Variants in RNFT2 observed in about 807,000 individuals in gnomAD.
The protein encoded by RNFT2 is ring finger protein, transmembrane 2, also known as E3 ubiquitin-protein ligase RNFT2.
A neutral mutation model predicts 53.0 loss-of-function variants in RNFT2; 36 were observed. The ratio of observed to expected loss-of-function variants is 0.68; its 90% CI spans 0.52 to 0.90. The LOEUF (loss-of-function observed/expected upper bound fraction) is 0.90. Ranked by LOEUF, RNFT2 falls within the 40% of genes least tolerant of loss-of-function variation. The pLI, the probability that RNFT2 is intolerant of heterozygous loss-of-function variation, is 0.00. For missense variants in RNFT2, 514 were observed against 585.6 expected, an observed-to-expected ratio of 0.88 and a Z score of 1.26; for synonymous variants, 260 against 253.2, an observed-to-expected ratio of 1.03 and a Z score of -0.26.
chr12:116,771,956 A>G (rs745902837), intron 6 of RNFT2, among the ~76,000 whole-genome samples: 112 of 152,200 alleles, frequency 7.4e-4, no homozygotes, highest in Non-Finnish European at 1.3e-3. Context: ...AACGGTCAAC[A>G]GTTTCCCTCC....
intron 5 of RNFT2, chr12:116,755,308 G>A (rs1234670032): frequency 4.5e-6 from 3 of 662,280 alleles, no homozygotes; most frequent in Non-Finnish European, 8.0e-6. Context: ...TTTATTTCTG[G>A]GTTCTCTATT....
chr12:116,812,624 T>A (rs963225785), intron 7 of RNFT2, among the ~76,000 whole-genome samples: 3 of 151,182 alleles, frequency 2.0e-5, no homozygotes, highest in Admixed American at 2.0e-4. Context: ...AACCTCCACC[T>A]CCTGGGTTTA....
chr12:116,838,525 G>A (rs141983067), intron 10 of RNFT2, among the ~76,000 whole-genome samples: 51 of 152,270 alleles, frequency 3.3e-4, no homozygotes, highest in African/African-American at 1.2e-3. Context: ...TGACACAGCC[G>A]CTTGCTTCTT....
chr12:116,800,230 C>T (rs1159793892), intron 7 of RNFT2, among the ~76,000 whole-genome samples: 2 of 149,120 alleles, frequency 1.3e-5, no homozygotes, highest in African/African-American at 4.9e-5. Flanking sequence ...GGCATGGTGG[C>T]TCATGCCTGT....
At chr12:116,802,244 A>T (rs893386117) in intron 7 of RNFT2, among the ~76,000 whole-genome samples, 5 of 152,194 alleles carry the variant, frequency 3.3e-5, no homozygotes, top group Non-Finnish European at 7.3e-5. Context: ...AAAGAAATTC[A>T]TTTCACTTTG....
Position 116,852,474 on chromosome 12 carries a change from A to G in RNFT2, c.*3026A>G. The G allele has an allele frequency of 1.4e-6, 2 of 1,459,714 alleles. No individual in the cohort carries two copies. Among genetic ancestry groups the G allele is most frequent in the South Asian group, 2.9e-5 (2 of 69,948 alleles). 90.4% of individuals were successfully genotyped at this position (1,459,714 alleles called of 1,614,324 possible). A position where few individuals can be genotyped will look rare whatever the true frequency, so the allele number is the denominator to read the frequency against. On this transcript the variant is annotated 3_prime_UTR_variant, in exon 11 of 11. Coordinates refer to ENST00000257575, the MANE Select transcript of RNFT2 (RefSeq NM_001382266.1). ...TCTTTCAAGCTCCGTTACTATGGCG[A>G]TGGCCATGATGTTACAATCCCACTT...
Position 116,833,874 on chromosome 12 carries a change from T to A in RNFT2, c.965T>A (p.Met322Lys), listed in dbSNP as rs1435650420. The A allele has an allele frequency of 1.2e-6, 2 of 1,613,308 alleles. No individual in the cohort carries two copies. Among genetic ancestry groups the A allele is most frequent in the Admixed American group, 3.3e-5 (2 of 59,960 alleles). ...VPIQLWYKYI[M>K]GDDSSNSYFL... Reference sequence around the variant, plus strand: ...ATCCAGCTGTGGTACAAATACATCATGGGTGACGACTCCTCCAACAGCTAC... The same window carrying A: ...ATCCAGCTGTGGTACAAATACATCAAGGGTGACGACTCCTCCAACAGCTAC... The change falls in exon 8 of 11, where the codon ATG becomes AAG. Residue 322 changes from methionine (M) to lysine (K), a missense_variant. Physicochemically the swap from Met to Lys is moderately conservative, Grantham distance 95. Around this residue, in one of 3 missense-constraint regions of RNFT2, gnomAD observed 273 missense variants for 334.4 expected, o/e 0.82. Coordinates refer to ENST00000257575, the MANE Select transcript of RNFT2 (RefSeq NM_001382266.1).
chr12:116,796,274 G>A (rs1198806682), intron 7 of RNFT2, among the ~76,000 whole-genome samples: 1 of 152,124 alleles, frequency 6.6e-6, no homozygotes, highest in Non-Finnish European at 1.5e-5. Flanking sequence ...TCTCATTGCT[G>A]GGTGGTTACT....
chr12:116,849,670 C>T lies in RNFT2; in HGVS notation c.*222C>T, dbSNP rs1315335905. 7.1e-6 allele frequency: 9 copies of T among 1,271,410 alleles called. No homozygotes were observed. The highest frequency in any genetic ancestry group is 3.1e-5 in the South Asian group (1 of 31,992). 78.8% of individuals were successfully genotyped at this position (1,271,410 alleles called of 1,614,324 possible). A position where few individuals can be genotyped will look rare whatever the true frequency, so the allele number is the denominator to read the frequency against. On this transcript the variant is annotated 3_prime_UTR_variant, in exon 11 of 11. Coordinates refer to ENST00000257575, the MANE Select transcript of RNFT2 (RefSeq NM_001382266.1). ...TGCCTCCTTCCCCTGCAAAAGGGGACGTCTTCCTAACTCAGACTTGATGCC... is the reference window on the plus strand; with the variant it reads ...TGCCTCCTTCCCCTGCAAAAGGGGATGTCTTCCTAACTCAGACTTGATGCC...
At chr12:116,790,874 T>C (rs1213027558) in intron 7 of RNFT2, among the ~76,000 whole-genome samples, 1 of 152,318 alleles carries the variant, frequency 6.6e-6, no homozygotes, top group African/African-American at 2.4e-5. Context: ...GGAGGATCAC[T>C]TAAGCCTAAT....
intron 6 of RNFT2, among the ~76,000 whole-genome samples, chr12:116,771,481 A>AT (rs1873184553): frequency 8.9e-6 from 1 of 112,956 alleles, no homozygotes; most frequent in Non-Finnish European, 2.0e-5. Flanking sequence ...AAAAAAAAAA[A>AT]AAAAAAAAAA....
chr12:116,788,255 G>A (rs75592131), intron 7 of RNFT2, among the ~76,000 whole-genome samples: 7,760 of 152,110 alleles, frequency 0.051, 200 homozygotes, highest in African/African-American at 0.066. Context: ...TCATTAACTC[G>A]CCCCATTCTG....
chr12:116,771,492 A>ATATAT (rs751202230), intron 6 of RNFT2, among the ~76,000 whole-genome samples: 10 of 109,270 alleles, frequency 9.2e-5, no homozygotes, highest in African/African-American at 2.5e-4. Context: ...AAAAAAAAAA[A>ATATAT]AAATACGTAT....
At chr12:116,823,471 G>A (rs1037464681) in intron 7 of RNFT2, among the ~76,000 whole-genome samples, 1 of 151,792 alleles carries the variant, frequency 6.6e-6, no homozygotes, top group Non-Finnish European at 1.5e-5. Context: ...ATCGCTTGAG[G>A]TCAGGAGTTT....
At chr12:116,748,122 G>A (rs1872000691) in intron 3 of RNFT2, among the ~76,000 whole-genome samples, 1 of 151,982 alleles carries the variant, frequency 6.6e-6, no homozygotes, top group African/African-American at 2.4e-5. Flanking sequence ...CCTGGGAGGC[G>A]GAGGTTGCAG....
At chr12:116,816,297 A>G (rs1347115338) in intron 7 of RNFT2, among the ~76,000 whole-genome samples, 3 of 152,294 alleles carry the variant, frequency 2.0e-5, no homozygotes, top group Admixed American at 2.0e-4. Flanking sequence ...CTCTTAGATC[A>G]AGGGAACCAT....
chr12:116,787,215 C>G (rs1873973642), intron 7 of RNFT2, among the ~76,000 whole-genome samples: 1 of 152,236 alleles, frequency 6.6e-6, no homozygotes, highest in South Asian at 2.1e-4. Flanking sequence ...GAAAATCCAA[C>G]TCTTCCAACT....
chr12:116,740,868 T>C (rs993551935), intron 2 of RNFT2, 168 bp from the exon 3 acceptor site: 32 of 659,838 alleles, frequency 4.8e-5, no homozygotes, highest in Non-Finnish European at 6.6e-5. Flanking sequence ...GAATGTCACA[T>C]TGAGGATGGA....
At chr12:116,796,976 G>T (rs1874533155) in intron 7 of RNFT2, among the ~76,000 whole-genome samples, 1 of 152,148 alleles carries the variant, frequency 6.6e-6, no homozygotes, top group South Asian at 2.1e-4. Flanking sequence ...CATTGGAGGG[G>T]GTGTGCTACT....
Sources: gnomAD v4.1 joint callset for allele counts (sites outside exome capture counted in the v4.1 genomes callset) on GRCh38, gnomAD v4.1.1 for gene constraint, gnomAD v4.1.1 regional missense constraint, MANE v1.5 for transcripts, NCBI Gene and HGNC (gene_info 2026-07-23, HGNC 2026-07-21) for gene names.